Variants in PARVB observed in about 807,000 individuals in gnomAD.
PARVB encodes beta-parvin.
Under a neutral mutation model 47.0 loss-of-function variants are expected in PARVB, and 46 were observed. The ratio of observed to expected loss-of-function variants is 0.98; its 90% CI spans 0.77 to 1.25. The LOEUF is 1.25. Among genes scored for constraint, PARVB ranks in the 50% most tolerant of loss-of-function variants. The pLI is 0.00. For missense variants in PARVB, 473 were observed against 471.6 expected (o/e 1.00, Z -0.03); for synonymous variants, 196 against 196.3 (o/e 1.00, Z 0.01).
rs747400148 is a variant in PARVB, at chr22:44,147,913, G to A, written c.765G>A (p.Val255=). ...ACCACGCCCCGGATAAGCTCAGCGT[G>A]GTGAAGAAGGTGAGCTATTGGTGGG... ...LFDHAPDKLS[V]VKKSLITFVN... Residue 255 remains valine (V), a synonymous_variant, in exon 9 of 13, where the codon GTG becomes GTA. Transcript: ENST00000338758. 6.2e-7 allele frequency: 1 copy of A among 1,613,670 alleles called. No individual in the cohort carries two copies. Among genetic ancestry groups the A allele is most frequent in the Admixed American group, 1.7e-5 (1 of 59,998 alleles).
chr22:44,135,543 C>A (rs1468021972), intron 6 of PARVB, among the ~76,000 whole-genome samples: 1 of 152,200 alleles, frequency 6.6e-6, no homozygotes, highest in African/African-American at 2.4e-5. Context: ...AGCTGTGAGC[C>A]ACTGTGCCCG....
chr22:44,046,096 G>A (rs1487574647), intron 1 of PARVB, among the ~76,000 whole-genome samples: 2 of 152,196 alleles, frequency 1.3e-5, no homozygotes, highest in Admixed American at 6.5e-5. Context: ...CCTTCGCAAT[G>A]TTTTGTGGTT....
chr22:44,013,455 G>C (rs963020315), intron 2 of PARVB, among the ~76,000 whole-genome samples: 1 of 152,202 alleles, frequency 6.6e-6, no homozygotes, highest in African/African-American at 2.4e-5. Context: ...CAGCCAGCCT[G>C]CTGGTGCCCA....
intron 2 of PARVB, among the ~76,000 whole-genome samples, chr22:44,095,586 G>A (rs543977499): frequency 2.6e-5 from 4 of 152,156 alleles, no homozygotes; most frequent in South Asian, 2.1e-4. Flanking sequence ...AGCTGCCCGC[G>A]GCCTGGGCTT....
In PARVB at chr22:44,161,820, CG is replaced by C. The variant is rs551233975; in HGVS notation, c.946-2035del. Among the ~76,000 whole-genome samples, 572 of 152,352 alleles carry C rather than the reference CG, an allele frequency of 3.8e-3. 2 individuals carry two copies. Among genetic ancestry groups the C allele is most frequent in the African/African-American group, 0.013 (545 of 41,586 alleles). ...GGAACTGCGTTCTGCACCCTCCGCA[CG>C]GGCCGTCCTCACTCCTCCCCCATTG... is the stretch of plus-strand genomic sequence containing the variant. On this transcript the variant is annotated intron_variant, in intron 11 of 12. Transcript: ENST00000338758.
At chr22:44,122,488 AAGAGAGAGAGAGAGAGAG>A (rs766162295) in intron 4 of PARVB, among the ~76,000 whole-genome samples, 11 of 76,618 alleles carry the variant, frequency 1.4e-4, no homozygotes, top group Non-Finnish European at 2.7e-4. Context: ...CCTGTCGATC[AAGAGAGAGAGAGAGAGAG>A]AGAGAGAGAG....
intron 10 of PARVB, among the ~76,000 whole-genome samples, chr22:44,156,424 C>T (rs1350446702): frequency 1.3e-5 from 2 of 151,884 alleles, no homozygotes; most frequent in Non-Finnish European, 2.9e-5. Context: ...GGATTACAGG[C>T]ATGCACCACC....
intron 10 of PARVB, chr22:44,152,808 A>C (rs1361233133): frequency 6.6e-6 from 1 of 152,212 alleles, no homozygotes; most frequent in African/African-American, 2.4e-5. Flanking sequence ...TGGTACAGAC[A>C]TCCCTAATGC....
intron 9 of PARVB, chr22:44,149,215 T>C (rs973445242): frequency 6.6e-6 from 1 of 152,122 alleles, no homozygotes; most frequent in African/African-American, 2.4e-5. Context: ...ACTGGTAGCA[T>C]TGAGAATGGT....
intron 4 of PARVB, among the ~76,000 whole-genome samples, chr22:44,120,225 C>T (rs2053013450): frequency 6.6e-6 from 1 of 152,208 alleles, no homozygotes; most frequent in Non-Finnish European, 1.5e-5. Context: ...GTTCTCACAA[C>T]AGCCCTGGGG....
At chr22:44,129,716 T>C (rs1389340642) in intron 4 of PARVB, among the ~76,000 whole-genome samples, 1 of 152,222 alleles carries the variant, frequency 6.6e-6, no homozygotes, top group African/African-American at 2.4e-5. Context: ...GGAAATCAGA[T>C]GAATAAGCGG....
upstream of PARVB, among the ~76,000 whole-genome samples, chr22:44,023,191 C>T (rs1164620580): frequency 6.6e-6 from 1 of 152,174 alleles, no homozygotes; most frequent in Non-Finnish European, 1.5e-5. Flanking sequence ...GAGGCAACAT[C>T]TGTGACATCA....
chr22:44,144,919 T>A (rs1414271688), intron 8 of PARVB: 1 of 138,298 alleles, frequency 7.2e-6, no homozygotes, highest in Non-Finnish European at 1.5e-5. Context: ...AGCCCTGGCA[T>A]ATGGTCAGGT....
chr22:44,164,239 G>A (rs960177062), intron 12 of PARVB, among the ~76,000 whole-genome samples: 5 of 152,316 alleles, frequency 3.3e-5, no homozygotes, highest in South Asian at 4.1e-4. Flanking sequence ...ATGCAGCTTC[G>A]TGCCCTGAGA....
intron 2 of PARVB, among the ~76,000 whole-genome samples, chr22:44,019,095 T>C (rs1232757163): frequency 2.0e-5 from 3 of 151,948 alleles, no homozygotes; most frequent in Non-Finnish European, 4.4e-5. Flanking sequence ...TTTTGTATTT[T>C]TAGTAGAGAC....
At chr22:44,119,301 G>A (rs2052987215) in intron 4 of PARVB, among the ~76,000 whole-genome samples, 161 bp downstream of exon 4, 1 of 152,178 alleles carries the variant, frequency 6.6e-6, no homozygotes, top group African/African-American at 2.4e-5. Context: ...CCTGGGCTGT[G>A]GCTTCAGGGT....
intron 1 of PARVB, among the ~76,000 whole-genome samples, chr22:44,027,666 G>A (rs924471289): frequency 6.6e-6 from 1 of 152,168 alleles, no homozygotes; most frequent in African/African-American, 2.4e-5. Flanking sequence ...GGGAGGCCGA[G>A]GTGGGTGGAT....
At chr22:44,110,949 A>G (rs1428853156) in intron 3 of PARVB, 1 of 152,176 alleles carries the variant, frequency 6.6e-6, no homozygotes, top group East Asian at 1.9e-4. Context: ...AGCCATCTGG[A>G]TAGTGATTAA....
intron 4 of PARVB, among the ~76,000 whole-genome samples, chr22:44,129,959 G>T (rs1011244763): frequency 6.6e-6 from 1 of 152,224 alleles, no homozygotes; most frequent in East Asian, 1.9e-4. Context: ...AGCCCAGCAG[G>T]CCTTGCTCTA....
Sources: allele counts gnomAD v4.1 joint callset (sites outside exome capture counted in the v4.1 genomes callset), GRCh38; gene constraint gnomAD v4.1.1; transcripts MANE v1.5; gene names NCBI Gene and HGNC (gene_info 2026-07-23, HGNC 2026-07-21).